Variants in FCHSD2 observed in about 807,000 individuals in gnomAD.
The protein encoded by FCHSD2 is FCH and double SH3 domains 2.
Under a neutral mutation model 108.1 loss-of-function variants are expected in FCHSD2, and 38 were observed. The ratio of observed to expected loss-of-function variants is 0.35; its 90% CI spans 0.27 to 0.46. FCHSD2 has a LOEUF of 0.46. Among genes scored for constraint, FCHSD2 ranks in the 20% least tolerant of loss-of-function variants. The pLI is 1.00. For missense variants in FCHSD2, 751 were observed against 897.8 expected (o/e 0.84, Z 2.09); for synonymous variants, 279 against 314.7 (o/e 0.89, Z 1.20).
chr11:73,099,816 G>A, intron 2 of FCHSD2, among the ~76,000 whole-genome samples: 1 of 152,204 alleles, frequency 6.6e-6, no homozygotes, highest in Admixed American at 6.5e-5. Flanking sequence ...GCGAAGGGAA[G>A]CCAGGAGAGG....
intron 3 of FCHSD2, among the ~76,000 whole-genome samples, chr11:73,031,867 T>C (rs917622871): frequency 6.6e-6 from 1 of 152,186 alleles, no homozygotes; most frequent in East Asian, 1.9e-4. Flanking sequence ...GTGCTTTCTA[T>C]AGGGAAGGCA....
intron 3 of FCHSD2, among the ~76,000 whole-genome samples, chr11:73,074,029 C>T (rs1289320969): frequency 4.0e-5 from 6 of 151,656 alleles, no homozygotes; most frequent in Admixed American, 3.3e-4. Context: ...AGATCTTAAA[C>T]GAACAGATAT....
intron 3 of FCHSD2, among the ~76,000 whole-genome samples, chr11:73,049,133 G>T (rs1245610212): frequency 6.6e-6 from 1 of 152,184 alleles, no homozygotes; most frequent in Admixed American, 6.6e-5. Flanking sequence ...GTAAAAAGAC[G>T]TAGTGGTTTT....
At chr11:73,056,998 G>C (rs1859040941) in intron 3 of FCHSD2, among the ~76,000 whole-genome samples, 1 of 152,098 alleles carries the variant, frequency 6.6e-6, no homozygotes, top group African/African-American at 2.4e-5. Flanking sequence ...CAGGAGAATG[G>C]CGTGAACCCA....
chr11:73,064,378 T>C (rs755626820), intron 3 of FCHSD2, among the ~76,000 whole-genome samples: 17 of 151,278 alleles, frequency 1.1e-4, no homozygotes, highest in Non-Finnish European at 1.8e-4. Flanking sequence ...TTAGAAGAAC[T>C]AGAGAAGCAA....
chr11:73,037,074 T>C (rs1313320134), intron 3 of FCHSD2, among the ~76,000 whole-genome samples: 7 of 152,176 alleles, frequency 4.6e-5, no homozygotes, highest in African/African-American at 1.4e-4. Flanking sequence ...ATTTATAGAA[T>C]TCTATTATAT....
At position 72,838,713 on chromosome 11, in the gene FCHSD2, A is replaced by G; in HGVS notation, c.*78T>C. ...TCTGTTCAAGAGTCATCATCATGCA[A>G]AGGTGCCTAAAAAACAAGACTGGCC... is the stretch of plus-strand genomic sequence containing the variant. On this transcript the variant is annotated 3_prime_UTR_variant, in exon 20 of 20. Coordinates refer to ENST00000409418, the MANE Select transcript of FCHSD2 (RefSeq NM_014824.3). 2.5e-6 allele frequency: 3 copies of G among 1,186,258 alleles called. No individual in the cohort carries two copies. Among genetic ancestry groups the G allele is most frequent in the Non-Finnish European group, 2.4e-6 (2 of 816,394 alleles). The allele number at this position is 1,186,258 out of a possible 1,614,324, so 73.5% of individuals were successfully genotyped here.
intron 12 of FCHSD2, among the ~76,000 whole-genome samples, chr11:72,885,000 A>G (rs1855167243): frequency 1.3e-5 from 2 of 152,230 alleles, no homozygotes; most frequent in African/African-American, 4.8e-5. Context: ...AGGTATTTAT[A>G]ATAAATAAAG....
chr11:72,849,672 G>C (rs1267529092), intron 14 of FCHSD2, 83 bp downstream of exon 14: 3 of 1,089,916 alleles, frequency 2.8e-6, no homozygotes, highest in Non-Finnish European at 2.7e-6. Context: ...GCTAAGTACA[G>C]CTTGAGAGAC....
At chr11:73,020,731 A>C (rs1353133742) in intron 3 of FCHSD2, among the ~76,000 whole-genome samples, 2 of 151,948 alleles carry the variant, frequency 1.3e-5, no homozygotes, top group East Asian at 1.9e-4. Flanking sequence ...CTTTTCCATA[A>C]TTTCATGACG....
At chr11:73,139,948 T>G in intron 2 of FCHSD2, 83 bp downstream of exon 2, 1 of 703,470 alleles carries the variant, frequency 1.4e-6, no homozygotes, top group Non-Finnish European at 2.3e-6. Flanking sequence ...GGAAATTCCA[T>G]CATCAGTTCC....
At chr11:73,111,265 T>C (rs1210143082) in intron 2 of FCHSD2, among the ~76,000 whole-genome samples, 3 of 152,190 alleles carry the variant, frequency 2.0e-5, no homozygotes, top group Non-Finnish European at 4.4e-5. Flanking sequence ...TTTTTAGCTC[T>C]AATATTTGCT....
chr11:73,054,370 A>G (rs553823253), intron 3 of FCHSD2, among the ~76,000 whole-genome samples: 1 of 152,234 alleles, frequency 6.6e-6, no homozygotes, highest in Admixed American at 6.5e-5. Context: ...CAACACGCAG[A>G]CAGGGGGCTA....
chr11:72,857,016 A>G (rs773399109), intron 13 of FCHSD2, among the ~76,000 whole-genome samples: 1 of 152,214 alleles, frequency 6.6e-6, no homozygotes, highest in African/African-American at 2.4e-5. Flanking sequence ...AAAAATATAC[A>G]TGTACTGTGC....
In FCHSD2 at chr11:72,842,856, A is replaced by G; in HGVS notation, c.1706-15T>C. The G allele has an allele frequency of 6.2e-7, 1 of 1,601,964 alleles. No homozygotes were observed. Among genetic ancestry groups the G allele is most frequent in the Non-Finnish European group, 8.5e-7 (1 of 1,169,876 alleles). On this transcript the variant is annotated splice_polypyrimidine_tract_variant and intron_variant, in intron 16 of 19. Coordinates refer to ENST00000409418, the MANE Select transcript of FCHSD2 (RefSeq NM_014824.3). Reference sequence around the variant, plus strand: ...CACAAAACATACTAGGGAGCAAGAGAAAAACAAATCTGGTAAGATAATTAA... The same window carrying G: ...CACAAAACATACTAGGGAGCAAGAGGAAAACAAATCTGGTAAGATAATTAA...
rs1243717332 is a variant in FCHSD2 at position 73,077,114 on chromosome 11, GAAAAAGAAA to G, written c.165+6572_165+6580del. 9.2e-5 allele frequency among the ~76,000 whole-genome samples: 11 copies of G among 119,268 alleles called. 1 individual carries two copies. The highest frequency in any genetic ancestry group is 2.7e-4 in the African/African-American group (9 of 33,104). The allele number at this position is 119,268 out of a possible 152,430, so 78.2% of individuals were successfully genotyped here. A position where few individuals can be genotyped will look rare whatever the true frequency, so the allele number is the denominator to read the frequency against. On this transcript the variant is annotated intron_variant, in intron 3 of 19. Coordinates refer to ENST00000409418, the MANE Select transcript of FCHSD2 (RefSeq NM_014824.3). Reference sequence around the variant, plus strand: ...CTCTGTCTCAAAAAAAAAAAAAAAAGAAAAAGAAAAAAAAGAAAAAAAAAAGTTTGTTAC... The same window carrying G: ...CTCTGTCTCAAAAAAAAAAAAAAAAGAAAAAGAAAAAAAAAAGTTTGTTAC...
chr11:73,030,602 A>G (rs982943008), intron 3 of FCHSD2, among the ~76,000 whole-genome samples: 1 of 152,190 alleles, frequency 6.6e-6, no homozygotes, highest in African/African-American at 2.4e-5. Context: ...GGTGGTGGTC[A>G]ATACTTTAAT....
In FCHSD2 at chr11:72,985,064, T is replaced by C; in HGVS notation, c.574A>G (p.Lys192Glu). 1 of 1,233,622 alleles carries C rather than the reference T, an allele frequency of 8.1e-7. No homozygotes were observed. The highest frequency in any genetic ancestry group is 1.2e-6 in the Non-Finnish European group (1 of 860,808). The allele number at this position is 1,233,622 out of a possible 1,614,324, so 76.4% of individuals were successfully genotyped here. ...SRISLQKASV[K>E]LKARRSECNS... is the part of the protein sequence containing the mutation. ...AAATACACTTATTGAAAACTTACCT[T>C]TACACTTGCCTTCTGTAAACTGATT... Residue 192 changes from lysine (K) to glutamate (E), a missense_variant and splice_region_variant, in exon 7 of 20, where the codon AAG becomes GAG. Lys to Glu is a moderately conservative substitution (Grantham distance 56, BLOSUM62 1). Transcript: ENST00000409418.
In FCHSD2 at chr11:72,991,682, T is replaced by C. The variant is rs559774641; in HGVS notation, c.388-2585A>G. ...AACCATATGATTATCTCAATAGATGTAGAAAAGGCCTTTGACAAAATTCAA... is the reference window on the plus strand; with the variant it reads ...AACCATATGATTATCTCAATAGATGCAGAAAAGGCCTTTGACAAAATTCAA... On this transcript the variant is annotated intron_variant, in intron 5 of 19. Coordinates refer to ENST00000409418, the MANE Select transcript of FCHSD2 (RefSeq NM_014824.3). Among the ~76,000 whole-genome samples the C allele has an allele frequency of 2.9e-4, 44 of 152,270 alleles. 1 individual carries two copies. The highest frequency in any genetic ancestry group is 6.2e-4 in the South Asian group (3 of 4,826).
Sources: allele counts gnomAD v4.1 joint callset (sites outside exome capture counted in the v4.1 genomes callset), GRCh38; gene constraint gnomAD v4.1.1; transcripts MANE v1.5; gene names NCBI Gene and HGNC (gene_info 2026-07-23, HGNC 2026-07-21).